Variants in C7orf78 observed in about 807,000 individuals in gnomAD.
C7orf78 encodes the protein chromosome 7 open reading frame 78, also known as putative uncharacterized protein C7orf78.
At chr7:12,509,516 G>T in the C7orf78 span, among the ~76,000 whole-genome samples, 1 of 152,090 alleles carries the variant, frequency 6.6e-6, no homozygotes, top group Non-Finnish European at 1.5e-5. Flanking sequence ...AAATATTGTT[G>T]CTAAGTATAG....
the C7orf78 span, among the ~76,000 whole-genome samples, chr7:12,520,177 T>G: frequency 6.6e-6 from 1 of 152,180 alleles, no homozygotes; most frequent in East Asian, 1.9e-4. Flanking sequence ...CTTGCTTTCT[T>G]CCCCTTCTGT....
the C7orf78 span, among the ~76,000 whole-genome samples, chr7:12,500,591 G>A: frequency 0.29 from 43,831 of 149,380 alleles, 7,121 homozygotes; most frequent in African/African-American, 0.44. Context: ...ATAATCAATA[G>A]CTTACCAACC....
chr7:12,516,647 A>G, the C7orf78 span, among the ~76,000 whole-genome samples: 1,761 of 152,302 alleles, frequency 0.012, 36 homozygotes, highest in African/African-American at 0.04. Context: ...TACCCTGCAA[A>G]GCCACAGGGG....
chr7:12,507,084 A>C, the C7orf78 span: 1 of 337,744 alleles, frequency 3.0e-6, no homozygotes, highest in South Asian at 2.4e-5. Context: ...GCGGATCAGG[A>C]GGTCAAGAGA....
At chr7:12,522,819 T>C in the C7orf78 span, among the ~76,000 whole-genome samples, 1 of 152,122 alleles carries the variant, frequency 6.6e-6, no homozygotes, top group Non-Finnish European at 1.5e-5. Flanking sequence ...AGCAATGATA[T>C]TTTTTTCCTT....
chr7:12,519,791 C>G, the C7orf78 span, among the ~76,000 whole-genome samples: 1 of 152,166 alleles, frequency 6.6e-6, no homozygotes. Flanking sequence ...AATGCTGTGC[C>G]TCCGTAGCCC....
At chr7:12,497,998 C>T in the C7orf78 span, among the ~76,000 whole-genome samples, 2 of 151,978 alleles carry the variant, frequency 1.3e-5, no homozygotes, top group Admixed American at 6.5e-5. Context: ...CTGCAGGGTA[C>T]TCCAACAGAC....
the C7orf78 span, among the ~76,000 whole-genome samples, chr7:12,488,347 C>T: frequency 1.3e-5 from 2 of 152,042 alleles, no homozygotes; most frequent in Non-Finnish European, 2.9e-5. Context: ...TTCATTAAAA[C>T]TCTGCTTCCA....
the C7orf78 span, among the ~76,000 whole-genome samples, chr7:12,517,178 C>T: frequency 6.0e-3 from 918 of 152,012 alleles, 11 homozygotes; most frequent in African/African-American, 0.021. Flanking sequence ...GCAGTTTCCC[C>T]GATACTGTTT....
At chr7:12,515,950 A>C in the C7orf78 span, among the ~76,000 whole-genome samples, 4,086 of 152,312 alleles carry the variant, frequency 0.027, 172 homozygotes, top group African/African-American at 0.093. Flanking sequence ...GAAAATTTGC[A>C]GCCTGACAAT....
chr7:12,488,319 A>G, the C7orf78 span, among the ~76,000 whole-genome samples: 1 of 152,062 alleles, frequency 6.6e-6, no homozygotes, highest in Non-Finnish European at 1.5e-5. Context: ...TAAATTTCCT[A>G]TATCTGAGAA....
chr7:12,512,223 T>C, the C7orf78 span, among the ~76,000 whole-genome samples: 1 of 152,174 alleles, frequency 6.6e-6, no homozygotes, highest in Admixed American at 6.5e-5. Flanking sequence ...TCCAGTATTT[T>C]GTTGAATCAT....
chr7:12,526,044 T>C, the C7orf78 span: 1 of 382,474 alleles, frequency 2.6e-6, no homozygotes, highest in East Asian at 3.7e-5. Flanking sequence ...AATGTCCTTT[T>C]AATTATTTGC....
the C7orf78 span, among the ~76,000 whole-genome samples, chr7:12,514,359 A>G: frequency 1.3e-5 from 2 of 151,912 alleles, no homozygotes; most frequent in South Asian, 4.1e-4. Flanking sequence ...ATCTGATATA[A>G]GTACAGCTAC....
the C7orf78 span, chr7:12,523,564 T>G: frequency 2.5e-6 from 1 of 393,102 alleles, no homozygotes; most frequent in Non-Finnish European, 4.5e-6. Flanking sequence ...AATGCTGCCT[T>G]TTTTTCTCAT....
the C7orf78 span, among the ~76,000 whole-genome samples, chr7:12,538,919 G>T: frequency 6.6e-6 from 1 of 152,064 alleles, no homozygotes; most frequent in African/African-American, 2.4e-5. Flanking sequence ...TCTACCAGGA[G>T]CTCCCCAAAC....
At chr7:12,538,807 C>T in the C7orf78 span, among the ~76,000 whole-genome samples, 7 of 152,072 alleles carry the variant, frequency 4.6e-5, no homozygotes, top group Non-Finnish European at 5.9e-5. Flanking sequence ...CCTCACGTTG[C>T]GAGCCACCCA....
chr7:12,494,603 A>C, the C7orf78 span, among the ~76,000 whole-genome samples: 2 of 140,194 alleles, frequency 1.4e-5, no homozygotes, highest in Admixed American at 7.4e-5. Flanking sequence ...GGTGTATTTT[A>C]CTCATGCATA....
At chr7:12,527,769 A>G in the C7orf78 span, among the ~76,000 whole-genome samples, 11 of 150,352 alleles carry the variant, frequency 7.3e-5, no homozygotes, top group Non-Finnish European at 1.5e-4. Flanking sequence ...ACTTTCGTAG[A>G]AAATGCCATC....
Sources: gnomAD v4.1 joint callset for allele counts (sites outside exome capture counted in the v4.1 genomes callset) on GRCh38, gnomAD v4.1.1 for gene constraint, MANE v1.5 for transcripts, NCBI Gene and HGNC (gene_info 2026-07-23, HGNC 2026-07-21) for gene names.